GSDMA: variants seen among roughly 807,000 people sequenced by gnomAD.
GSDMA encodes gasdermin A, also known as gasdermin-A.
Under a neutral mutation model 54.3 loss-of-function variants are expected in GSDMA, and 55 were observed. That is an observed-to-expected ratio of 1.01 (90% CI 0.82 to 1.27). The LOEUF (loss-of-function observed/expected upper bound fraction) is 1.27, where lower values mean the gene tolerates loss of function less well. Among genes scored for constraint, GSDMA ranks in the 50% most tolerant of loss-of-function variants. GSDMA has a pLI of 0.00. For missense variants in GSDMA, 542 were observed against 542.6 expected, an observed-to-expected ratio of 1.00 and a Z score of 0.01; for synonymous variants, 211 against 224.7, an observed-to-expected ratio of 0.94 and a Z score of 0.54.
chr17:39,970,784 G>C (rs963173352), intron 4 of GSDMA, 137 bp downstream of exon 4: 7 of 624,598 alleles, frequency 1.1e-5, no homozygotes, highest in African/African-American at 1.9e-5. Context: ...GCTGAAAAGG[G>C]CCACTCCTTC....
chr17:39,968,676 A>G lies in GSDMA; in HGVS notation c.393-1806A>G, dbSNP rs76225917. 5.7e-3 allele frequency among the ~76,000 whole-genome samples: 875 copies of G among 152,192 alleles called. 10 individuals are homozygous for G. Among genetic ancestry groups the G allele is most frequent in the African/African-American group, 0.02 (836 of 41,530 alleles). ...ACACTGTTCTTCTATCCCATGAGCA[A>G]CGAAAACTGAGGACCCGAGCTGGGG... On this transcript the variant is annotated intron_variant, in intron 3 of 11. Transcript: ENST00000301659.
intron 1 of GSDMA, among the ~76,000 whole-genome samples, chr17:39,963,412 C>G (rs780589406): frequency 5.9e-5 from 9 of 152,050 alleles, no homozygotes; most frequent in Non-Finnish European, 1.3e-4. Context: ...TCCTGCCCCC[C>G]CTGCTGCTGT....
intron 7 of GSDMA, among the ~76,000 whole-genome samples, chr17:39,973,120 C>T (rs1170499905): frequency 3.3e-5 from 5 of 151,976 alleles, no homozygotes; most frequent in African/African-American, 7.2e-5. Context: ...TACAGGCACC[C>T]GCCACCATGC....
At position 39,974,989 on chromosome 17, in the gene GSDMA, C is replaced by T. The variant is rs894225078; in HGVS notation, c.996C>T (p.Ile332=). The change falls in exon 10 of 12, where the codon ATC becomes ATT. Residue 332 remains isoleucine, a synonymous_variant. Coordinates refer to ENST00000301659, the MANE Select transcript of GSDMA (RefSeq NM_178171.5). ...TATCAAAGGAGGCCGTGGGCGCCAT[C>T]CTCTATTTCGTTGGAGCCCTAACAG... The part of the protein sequence containing the change: ...VLLSKEAVGA[I]LYFVGALTEL... 1.9e-6 allele frequency: 3 copies of T among 1,612,114 alleles called. No individual in the cohort carries two copies. Among genetic ancestry groups the T allele is most frequent in the South Asian group, 1.1e-5 (1 of 90,800 alleles).
At position 39,966,446 on chromosome 17, in the gene GSDMA, G is replaced by T; in HGVS notation, c.392+9G>T. On this transcript the variant is annotated intron_variant, in intron 3 of 11. Coordinates refer to ENST00000301659, the MANE Select transcript of GSDMA (RefSeq NM_178171.5). ...GAGACCGTGCAGGAGAGGTGAGAGT[G>T]GGCGGGACTGAGGGTCTCCCGGGAT... 1.3e-6 allele frequency: 2 copies of T among 1,588,300 alleles called. No homozygotes were observed. Among genetic ancestry groups the T allele is most frequent in the South Asian group, 1.1e-5 (1 of 88,144 alleles).
chr17:39,976,875 A>T lies in GSDMA; in HGVS notation c.1155A>T (p.Gln385His). 1 of 1,613,876 alleles carries T rather than the reference A, an allele frequency of 6.2e-7. No individual in the cohort carries two copies. The highest frequency in any genetic ancestry group is 2.2e-5 in the East Asian group (1 of 44,882). The change falls in exon 12 of 12, where the codon CAA becomes CAT. Residue 385 changes from glutamine (Q) to histidine (H), a missense_variant. Coordinates refer to ENST00000301659, the MANE Select transcript of GSDMA (RefSeq NM_178171.5). ...ATAAAGAGGGTGTTTTCCCCCTGCA[A>T]CCTGAGCTGCTCTCCTCCCTTGGGG... ...LLDKEGVFPLQPELLSSLGDE... is the reference protein window; with the variant it reads ...LLDKEGVFPLHPELLSSLGDE...
At chr17:39,971,367 T>A (rs1979929808) in intron 4 of GSDMA, among the ~76,000 whole-genome samples, 157 bp from the exon 5 acceptor site, 1 of 152,098 alleles carries the variant, frequency 6.6e-6, no homozygotes, top group South Asian at 2.1e-4. Context: ...TTGAAGTCCT[T>A]CCTCAGAGTC....
chr17:39,971,485 A>T, intron 4 of GSDMA, 39 bp from the exon 5 acceptor site: 2 of 1,509,502 alleles, frequency 1.3e-6, no homozygotes, highest in Non-Finnish European at 1.8e-6. Flanking sequence ...CATACTTAAG[A>T]TGTCCAGAGA....
intron 10 of GSDMA, among the ~76,000 whole-genome samples, 162 bp from the exon 11 acceptor site, chr17:39,975,762 C>A (rs1199575861): frequency 6.6e-6 from 1 of 152,160 alleles, no homozygotes; most frequent in Non-Finnish European, 1.5e-5. Context: ...GCCTGCCCTC[C>A]GACTCCAAGA....
chr17:39,974,372 G>A lies in GSDMA; in HGVS notation c.851G>A (p.Ser284Asn). 1 of 1,598,974 alleles carries A rather than the reference G, an allele frequency of 6.3e-7. No individual in the cohort carries two copies. Among genetic ancestry groups the A allele is most frequent in the Non-Finnish European group, 8.5e-7 (1 of 1,172,858 alleles). ...LSRVGQSSLL[S>N]SLSKLLGKKK... ...CGAGTAGGGCAAAGCTCCCTGCTCA[G>A]CTCCCTCAGCAAACTTCTAGGGAAG... The change falls in exon 9 of 12, where the codon AGC becomes AAC. Residue 284 changes from serine (S) to asparagine (N), a missense_variant. Physicochemically the swap from Ser to Asn is conservative, Grantham distance 46 (BLOSUM62 1). Coordinates refer to ENST00000301659, the MANE Select transcript of GSDMA (RefSeq NM_178171.5).
intron 9 of GSDMA, 25 bp from the exon 10 acceptor site, chr17:39,974,875 A>G (rs778938454): frequency 1.4e-6 from 2 of 1,385,738 alleles, no homozygotes; most frequent in South Asian, 2.4e-5. Flanking sequence ...TGTTATCTTC[A>G]ATAGTCGCCC....
rs1302476269 is a variant in GSDMA at position 39,970,503 on chromosome 17, A to C, written c.414A>C (p.Pro138=). 6 of 1,585,464 alleles carry C rather than the reference A, an allele frequency of 3.8e-6. No homozygotes were observed. The highest frequency in any genetic ancestry group is 2.7e-5 in the African/African-American group (2 of 73,420). The change falls in exon 4 of 12, where the codon CCA becomes CCC. Residue 138 remains proline, a synonymous_variant. Transcript: ENST00000301659. ...VQERKLAADH[P]FLKEMQDQGE... ...ACAGGAAGCTGGCAGCAGACCACCC[A>C]TTCCTGAAGGAGATGCAAGATCAAG...
chr17:39,963,982 G>T (rs760378509), intron 1 of GSDMA, among the ~76,000 whole-genome samples: 2 of 152,174 alleles, frequency 1.3e-5, no homozygotes, highest in African/African-American at 4.8e-5. Flanking sequence ...TGCCAAGCTC[G>T]AACTCTGTGC....
chr17:39,971,775 A>T (rs1979956293), intron 5 of GSDMA, among the ~76,000 whole-genome samples, 155 bp downstream of exon 5: 1 of 152,140 alleles, frequency 6.6e-6, no homozygotes, highest in African/African-American at 2.4e-5. Context: ...CTCTGGAGAG[A>T]AGGGTGAAGA....
intron 3 of GSDMA, among the ~76,000 whole-genome samples, chr17:39,968,014 C>T (rs1979748282): frequency 6.6e-6 from 1 of 152,138 alleles, no homozygotes; most frequent in South Asian, 2.1e-4. Context: ...TCTGTCACCA[C>T]ACCCAGCTAA....
intron 10 of GSDMA, 85 bp from the exon 11 acceptor site, chr17:39,975,839 G>C: frequency 1.0e-6 from 1 of 984,490 alleles, no homozygotes; most frequent in Middle Eastern, 2.1e-4. Context: ...ATGAATGAAG[G>C]CTGAAATTCT....
At chr17:39,966,737 G>T (rs1316794775) in intron 3 of GSDMA, among the ~76,000 whole-genome samples, 1 of 152,150 alleles carries the variant, frequency 6.6e-6, no homozygotes, top group Non-Finnish European at 1.5e-5. Flanking sequence ...CTTCTCTTGG[G>T]ACCTCAGTTT....
intron 5 of GSDMA, 64 bp downstream of exon 5, chr17:39,971,684 C>A: frequency 8.5e-7 from 1 of 1,180,822 alleles, no homozygotes. Flanking sequence ...ACTGAGGCAC[C>A]CTGGTCCCCT....
intron 8 of GSDMA, 136 bp downstream of exon 8, chr17:39,973,966 C>T: frequency 1.1e-6 from 1 of 889,112 alleles, no homozygotes. Flanking sequence ...CCACTTTTTG[C>T]TGGAGTCTCA....
Sources: allele counts gnomAD v4.1 joint callset (sites outside exome capture counted in the v4.1 genomes callset), GRCh38; gene constraint gnomAD v4.1.1; transcripts MANE v1.5; gene names NCBI Gene and HGNC (gene_info 2026-07-23, HGNC 2026-07-21).